The following PARD3B variants were observed in gnomAD, a reference collection of about 807,000 sequenced individuals.
PARD3B encodes partitioning defective 3 homolog B.
In PARD3B, 103 loss-of-function variants were observed where a neutral mutation model predicts 130.2. That is an observed-to-expected ratio of 0.79 (90% CI 0.67 to 0.93). PARD3B has a LOEUF of 0.93. PARD3B is among the 40% of genes least tolerant of loss of function. The probability of loss-of-function intolerance (pLI) is 0.00; values close to 1 mark genes in which losing one functional copy is unlikely to be tolerated. For synonymous variants in PARD3B, 583 were observed against 553.2 expected (o/e 1.05, Z -0.76); for missense variants, 1,609 against 1,499.2 (o/e 1.07, Z -1.21).
intron 16 of PARD3B, among the ~76,000 whole-genome samples, chr2:205,257,814 GC>G (rs1050502000): frequency 2.2e-4 from 34 of 152,250 alleles, no homozygotes; most frequent in Admixed American, 1.4e-3. Flanking sequence ...GCTTCTATCA[GC>G]ATTTCCATAG....
At chr2:205,379,493 G>A (rs186490691) in intron 18 of PARD3B, among the ~76,000 whole-genome samples, 2 of 151,828 alleles carry the variant, frequency 1.3e-5, no homozygotes, top group South Asian at 2.1e-4. Context: ...TAAAAAAAAA[G>A]CAAACATAGA....
At chr2:205,549,778 G>A (rs61635347) in intron 21 of PARD3B, among the ~76,000 whole-genome samples, 4,484 of 152,190 alleles carry the variant, frequency 0.029, 239 homozygotes, top group African/African-American at 0.1. Flanking sequence ...GTAAACTATG[G>A]GCTATGAGTG....
intron 22 of PARD3B, among the ~76,000 whole-genome samples, chr2:205,606,655 A>G (rs912626841): frequency 6.6e-6 from 1 of 151,584 alleles, no homozygotes; most frequent in African/African-American, 2.4e-5. Flanking sequence ...CTCTAGACCA[A>G]CCTTCTGCTT....
intron 16 of PARD3B, among the ~76,000 whole-genome samples, chr2:205,272,213 A>C (rs1176101978): frequency 1.3e-5 from 2 of 151,824 alleles, no homozygotes; most frequent in East Asian, 3.9e-4. Context: ...AATGGGTGAT[A>C]ACAAGATTGA....
At chr2:204,700,180 C>T (rs1466109403) in intron 2 of PARD3B, among the ~76,000 whole-genome samples, 4 of 152,018 alleles carry the variant, frequency 2.6e-5, no homozygotes, top group Admixed American at 2.6e-4. Flanking sequence ...AAAGGCTGTT[C>T]CCTGGTATCT....
At chr2:204,836,478 C>T (rs2044035017) in intron 2 of PARD3B, among the ~76,000 whole-genome samples, 1 of 152,084 alleles carries the variant, frequency 6.6e-6, no homozygotes, top group South Asian at 2.1e-4. Context: ...CCCTGGGCAA[C>T]ATGGCAAAAC....
chr2:204,864,336 G>A (rs1274644719), intron 2 of PARD3B, among the ~76,000 whole-genome samples: 1 of 152,144 alleles, frequency 6.6e-6, no homozygotes, highest in Admixed American at 6.5e-5. Context: ...CCTGGGACTT[G>A]AAAAGCCCCA....
rs1288563477 is a variant in PARD3B, at chr2:205,568,949, G to A, written c.3260+15546G>A. 6.6e-6 allele frequency among the ~76,000 whole-genome samples: 1 copy of A among 152,082 alleles called. No individual in the cohort carries two copies. The highest frequency in any genetic ancestry group is 1.5e-5 in the Non-Finnish European group (1 of 68,016). ...TAAATTCCTAGCATGTAATTACCAG[G>A]TCAAAGAATGTGAATATTTTTAAAG... is the stretch of plus-strand genomic sequence containing the variant. On this transcript the variant is annotated intron_variant, in intron 22 of 22. Transcript: ENST00000406610. This position sits in a 1 kb window ranked among gnomAD's most constrained non-coding sequence, Gnocchi z 5.3.
At chr2:205,140,623 T>G (rs2032876102) in intron 10 of PARD3B, among the ~76,000 whole-genome samples, 1 of 152,028 alleles carries the variant, frequency 6.6e-6, no homozygotes, top group Admixed American at 6.6e-5. Flanking sequence ...TTAATGTTTC[T>G]TAAGAAGTAG....
intron 2 of PARD3B, among the ~76,000 whole-genome samples, chr2:204,714,442 A>T (rs2038618878): frequency 6.6e-6 from 1 of 151,986 alleles, no homozygotes; most frequent in South Asian, 2.1e-4. Flanking sequence ...GCCCATTCAG[A>T]GATTTAGTTA....
chr2:204,622,862 C>T (rs1455349254), intron 1 of PARD3B, among the ~76,000 whole-genome samples: 1 of 152,030 alleles, frequency 6.6e-6, no homozygotes, highest in Non-Finnish European at 1.5e-5. Context: ...GCTAGAACTT[C>T]TTTAATGTAT....
intron 2 of PARD3B, among the ~76,000 whole-genome samples, chr2:204,898,315 A>G (rs1042368249): frequency 5.3e-5 from 8 of 151,936 alleles, no homozygotes; most frequent in African/African-American, 1.9e-4. Flanking sequence ...ATACAATCCA[A>G]TAGTAGTTAT....
At chr2:205,457,905 T>C (rs1478823176) in intron 20 of PARD3B, among the ~76,000 whole-genome samples, 1 of 152,190 alleles carries the variant, frequency 6.6e-6, no homozygotes, top group African/African-American at 2.4e-5. Flanking sequence ...TGGAGCACTT[T>C]GGATTTTGGA....
intron 10 of PARD3B, among the ~76,000 whole-genome samples, chr2:205,149,364 C>T (rs2033590738): frequency 6.6e-6 from 1 of 152,122 alleles, no homozygotes; most frequent in Non-Finnish European, 1.5e-5. Context: ...AGGCATGAGC[C>T]ACTGTGCCTT....
intron 4 of PARD3B, among the ~76,000 whole-genome samples, chr2:205,093,414 C>A (rs976849160): frequency 6.6e-6 from 1 of 152,064 alleles, no homozygotes; most frequent in Non-Finnish European, 1.5e-5. Flanking sequence ...ACCCCGAGAT[C>A]AATGAATGCC....
chr2:205,438,825 G>A (rs1308761872), intron 19 of PARD3B, among the ~76,000 whole-genome samples: 1 of 152,070 alleles, frequency 6.6e-6, no homozygotes, highest in Non-Finnish European at 1.5e-5. Flanking sequence ...TAGGGCACAG[G>A]TTTGGCCTAA....
intron 20 of PARD3B, among the ~76,000 whole-genome samples, chr2:205,489,500 T>TATATATATACGTATATATATACAC (rs2049589085): frequency 7.2e-6 from 1 of 139,404 alleles, no homozygotes; most frequent in African/African-American, 2.7e-5. Flanking sequence ...TATGTGTGTA[T>TATATATATACGTATATATATACAC]ATATATATAC....
intron 4 of PARD3B, among the ~76,000 whole-genome samples, chr2:205,100,626 A>G (rs994638848): frequency 1.3e-5 from 2 of 152,186 alleles, no homozygotes; most frequent in Non-Finnish European, 1.5e-5. Flanking sequence ...GTACTGACAT[A>G]AGAATAGACA....
chr2:205,259,496 T>G (rs1330422534), intron 16 of PARD3B, among the ~76,000 whole-genome samples: 1 of 152,188 alleles, frequency 6.6e-6, no homozygotes, highest in African/African-American at 2.4e-5. Flanking sequence ...TTAAATTCTC[T>G]TTGTCCTTGA....
Sources: allele counts gnomAD v4.1 joint callset (sites outside exome capture counted in the v4.1 genomes callset), GRCh38; gene constraint gnomAD v4.1.1; non-coding constraint Gnocchi (gnomAD v3.1); transcripts MANE v1.5; gene names NCBI Gene and HGNC (gene_info 2026-07-23, HGNC 2026-07-21).